Variants in WDPCP observed in about 807,000 individuals in gnomAD.
WDPCP encodes WD repeat containing planar cell polarity effector.
A neutral mutation model predicts 93.1 loss-of-function variants in WDPCP; 71 were observed. That is an observed-to-expected ratio of 0.76 (90% CI 0.63 to 0.93). The LOEUF is 0.93. Ranked by LOEUF, WDPCP falls within the 40% of genes least tolerant of loss-of-function variation. The probability of loss-of-function intolerance (pLI) is 0.00; values close to 1 mark genes in which losing one functional copy is unlikely to be tolerated. For synonymous variants in WDPCP, 315 were observed against 315.0 expected, an observed-to-expected ratio of 1.00 and a Z score of 0.00; for missense variants, 844 against 887.4, an observed-to-expected ratio of 0.95 and a Z score of 0.62.
chr2:63,195,940 C>T (rs1442087798), intron 14 of WDPCP, among the ~76,000 whole-genome samples: 1 of 152,142 alleles, frequency 6.6e-6, no homozygotes, highest in Non-Finnish European at 1.5e-5. Flanking sequence ...TAATGTACTA[C>T]TGTAATAATT....
chr2:63,675,814 T>C (rs911526826), intron 2 of WDPCP, among the ~76,000 whole-genome samples: 1 of 152,242 alleles, frequency 6.6e-6, no homozygotes, highest in African/African-American at 2.4e-5. Flanking sequence ...TATGAAATAA[T>C]ATCATTTATT....
chr2:63,706,517 C>T (rs1189774281), intron 2 of WDPCP, among the ~76,000 whole-genome samples: 2 of 147,398 alleles, frequency 1.4e-5, no homozygotes, highest in African/African-American at 2.5e-5. Flanking sequence ...TCAGCATTTG[C>T]TTGTCTGTAA....
chr2:63,487,541 G>A (rs748504984), intron 2 of WDPCP, 47 bp from the exon 3 acceptor site: 2 of 1,434,598 alleles, frequency 1.4e-6, no homozygotes, highest in Non-Finnish European at 2.0e-6. Context: ...AAAAGTCCCA[G>A]AGAATAAGAA....
chr2:63,472,803 A>G (rs927857539), intron 6 of WDPCP, among the ~76,000 whole-genome samples: 2 of 152,082 alleles, frequency 1.3e-5, no homozygotes, highest in African/African-American at 4.8e-5. Context: ...CAGGTGATCC[A>G]CCCACCTTGG....
At chr2:63,228,895 G>C (rs367909528) in intron 14 of WDPCP, 1 of 152,084 alleles carries the variant, frequency 6.6e-6, no homozygotes, top group Admixed American at 6.6e-5. Context: ...ATAAACATAC[G>C]TGTGCATGTG....
chr2:63,271,180 C>T (rs1314676637), intron 13 of WDPCP, among the ~76,000 whole-genome samples: 1 of 152,226 alleles, frequency 6.6e-6, no homozygotes, highest in East Asian at 1.9e-4. Context: ...TGTGTGCTCA[C>T]CAGAGCCTGA....
At chr2:63,125,331 T>C (rs1395348920) in intron 17 of WDPCP, among the ~76,000 whole-genome samples, 1 of 152,232 alleles carries the variant, frequency 6.6e-6, no homozygotes, top group Non-Finnish European at 1.5e-5. Context: ...CATTTCACCT[T>C]TCCACAGGAA....
intron 14 of WDPCP, among the ~76,000 whole-genome samples, chr2:63,230,556 G>C (rs1678769710): frequency 6.6e-6 from 1 of 152,174 alleles, no homozygotes; most frequent in Non-Finnish European, 1.5e-5. Context: ...CCCACCAACA[G>C]TGTAAAAGTG....
chr2:63,577,350 C>A (rs2106527198), intron 1 of WDPCP, among the ~76,000 whole-genome samples: 1 of 152,122 alleles, frequency 6.6e-6, no homozygotes, highest in East Asian at 1.9e-4. Flanking sequence ...AAGTATTGTA[C>A]CTTAAATTAA....
At chr2:63,653,206 C>A (rs909372911) in intron 2 of WDPCP, among the ~76,000 whole-genome samples, 4 of 152,268 alleles carry the variant, frequency 2.6e-5, no homozygotes, top group African/African-American at 9.6e-5. Context: ...TATAGAGGTC[C>A]TTTTCAGACT....
At chr2:63,525,293 T>A (rs989625559) in intron 1 of WDPCP, among the ~76,000 whole-genome samples, 1 of 152,096 alleles carries the variant, frequency 6.6e-6, no homozygotes, top group South Asian at 2.1e-4. Context: ...ACCTATTGGG[T>A]ACTATACTTA....
At chr2:63,717,729 G>A (rs1669358611) in intron 2 of WDPCP, 2 of 440,548 alleles carry the variant, frequency 4.5e-6, no homozygotes, top group Admixed American at 2.6e-5. Context: ...CCACAGTTGG[G>A]TGTTGCTCCA....
intron 13 of WDPCP, among the ~76,000 whole-genome samples, chr2:63,305,764 A>G (rs1466868497): frequency 6.6e-6 from 1 of 152,188 alleles, no homozygotes; most frequent in African/African-American, 2.4e-5. Context: ...ACCGAGCTCA[A>G]GGAGCATGTT....
At chr2:63,180,586 T>C (rs1047138710) in intron 14 of WDPCP, among the ~76,000 whole-genome samples, 1 of 152,196 alleles carries the variant, frequency 6.6e-6, no homozygotes, top group African/African-American at 2.4e-5. Flanking sequence ...AGTCCTTCAC[T>C]GATGTAAACG....
At chr2:63,550,704 CAT>C (rs1454646654) in intron 1 of WDPCP, among the ~76,000 whole-genome samples, 2 of 147,426 alleles carry the variant, frequency 1.4e-5, no homozygotes, top group Non-Finnish European at 1.5e-5. Flanking sequence ...CATACATATA[CAT>C]ATATGTGTGT....
In WDPCP at chr2:63,249,851, C is replaced by G. The variant is rs535538962; in HGVS notation, c.1915+9456G>C. On this transcript the variant is annotated intron_variant, in intron 14 of 17. Coordinates refer to ENST00000272321, the MANE Select transcript of WDPCP (RefSeq NM_015910.7). ...AATTCGAACACCTTTCTGTTTGTGT[C>G]TTTCACCTGCAAATGTAATGACTTC... 2.0e-5 allele frequency among the ~76,000 whole-genome samples: 3 copies of G among 152,290 alleles called. No individual in the cohort carries two copies. In the South Asian group the frequency reaches 6.2e-4, roughly 32 times the overall value.
intron 1 of WDPCP, among the ~76,000 whole-genome samples, chr2:63,556,546 T>G (rs1706137907): frequency 6.6e-6 from 1 of 152,196 alleles, no homozygotes; most frequent in Admixed American, 6.5e-5. Context: ...ATTACCCACC[T>G]TCTGAAGCCT....
chr2:63,588,730 G>C, upstream of WDPCP: 2 of 477,862 alleles, frequency 4.2e-6, no homozygotes, highest in Admixed American at 3.3e-5. Context: ...CAAACCATCC[G>C]TTTGTTGTCG....
intron 2 of WDPCP, among the ~76,000 whole-genome samples, chr2:63,692,080 G>A (rs997658319): frequency 6.6e-6 from 1 of 152,066 alleles, no homozygotes; most frequent in African/African-American, 2.4e-5. Context: ...TTTTCTTCAA[G>A]TTTTGTTTGA....
Sources: gnomAD v4.1 joint callset for allele counts (sites outside exome capture counted in the v4.1 genomes callset) on GRCh38, gnomAD v4.1.1 for gene constraint, MANE v1.5 for transcripts, NCBI Gene and HGNC (gene_info 2026-07-23, HGNC 2026-07-21) for gene names.